Variants in FMO1 observed in about 807,000 individuals in gnomAD.
FMO1 encodes flavin-containing monooxygenase 1.
In FMO1, 36 loss-of-function variants were observed where a neutral mutation model predicts 45.4. That is an observed-to-expected ratio of 0.79 (90% CI 0.61 to 1.05). The LOEUF (loss-of-function observed/expected upper bound fraction) is 1.05, where lower values mean the gene tolerates loss of function less well. FMO1 is among the 50% of genes least tolerant of loss of function. The pLI is 0.00. For synonymous variants in FMO1, 228 were observed against 227.2 expected, an observed-to-expected ratio of 1.00 and a Z score of -0.03; for missense variants, 615 against 640.3, an observed-to-expected ratio of 0.96 and a Z score of 0.43.
chr1:171,264,608 G>A (rs368317475), intron 2 of FMO1, among the ~76,000 whole-genome samples: 21 of 151,932 alleles, frequency 1.4e-4, no homozygotes, highest in African/African-American at 5.1e-4. Context: ...GCACAATCTC[G>A]GACAGGGGCA....
chr1:171,261,712 C>A (rs571564180), intron 2 of FMO1, among the ~76,000 whole-genome samples: 1 of 152,090 alleles, frequency 6.6e-6, no homozygotes, highest in East Asian at 1.9e-4. Context: ...AACAAGACCC[C>A]GTTCCGTTCT....
At chr1:171,284,640 G>A (rs750741667) in intron 8 of FMO1, among the ~76,000 whole-genome samples, 8 of 151,376 alleles carry the variant, frequency 5.3e-5, no homozygotes, top group African/African-American at 1.7e-4. Context: ...CCTAAGCCAG[G>A]AGGATCGCTT....
intron 1 of FMO1, 26 bp from the exon 2 acceptor site, chr1:171,258,056 A>G: frequency 6.2e-7 from 1 of 1,613,588 alleles, no homozygotes; most frequent in Non-Finnish European, 8.5e-7. Context: ...TGTGAATAAA[A>G]AGCCTGCTTC....
chr1:171,256,272 C>CAAAA (rs34529047), intron 1 of FMO1, among the ~76,000 whole-genome samples: 3 of 78,276 alleles, frequency 3.8e-5, no homozygotes, highest in Admixed American at 1.5e-4. Flanking sequence ...GACTCCATCT[C>CAAAA]AAAAAAAAAA....
chr1:171,261,503 C>T (rs1189863409), intron 2 of FMO1, among the ~76,000 whole-genome samples: 2 of 152,190 alleles, frequency 1.3e-5, no homozygotes, highest in African/African-American at 4.8e-5. Flanking sequence ...AGTAGAAAGG[C>T]AAATTGCAGA....
chr1:171,265,297 A>G (rs1027502626), intron 2 of FMO1, among the ~76,000 whole-genome samples: 1 of 152,008 alleles, frequency 6.6e-6, no homozygotes, highest in Non-Finnish European at 1.5e-5. Context: ...AGGCTGAGGC[A>G]GGAGAATGGC....
rs550305259 is a variant in FMO1 at position 171,257,839 on chromosome 1, G to A, written c.-6-243G>A. The A allele has an allele frequency of 2.7e-4, 128 of 472,904 alleles. 1 individual carries two copies. The East Asian group carries it at 5.3e-3, about 20-fold the overall frequency. The allele number at this position is 472,904 out of a possible 1,614,324, so 29.3% of individuals were successfully genotyped here. On this transcript the variant is annotated intron_variant, in intron 1 of 8. Transcript: ENST00000617670. ...TCCAGCAGCTCTGCCAGAAGCTACA[G>A]CCTTGACAACTGTACGAACATTTGG...
chr1:171,266,056 TATAA>T (rs1281938762), intron 2 of FMO1, among the ~76,000 whole-genome samples: 34 of 152,232 alleles, frequency 2.2e-4, no homozygotes, highest in Non-Finnish European at 3.4e-4. Flanking sequence ...TAAGATTAAA[TATAA>T]ATAATCTTTC....
chr1:171,280,806 AG>A lies in FMO1; in HGVS notation c.653del (p.Gly218AspfsTer3). The A allele has an allele frequency of 6.2e-7, 1 of 1,612,824 alleles. No individual in the cohort carries two copies. Among genetic ancestry groups the A allele is most frequent in the Non-Finnish European group, 8.5e-7 (1 of 1,179,722 alleles). ...TCCAGGTGTTCCTCAGCACCACCGGAGGGGGATGGGTGATCAGCCGAATCTT... is the reference window on the plus strand; with the variant it reads ...TCCAGGTGTTCCTCAGCACCACCGGAGGGGATGGGTGATCAGCCGAATCTT... Reference protein sequence around the residue: ...AEKVFLSTTGGGWVISRIFDS... With the variant: ...AEKVFLSTTGXGWVISRIFDS... On this transcript the variant is annotated frameshift_variant, in exon 6 of 9. Coordinates refer to ENST00000617670, the MANE Select transcript of FMO1 (RefSeq NM_001282693.2). LOFTEE classifies it high-confidence loss of function.
chr1:171,283,645 CTATTGTTTTTA>C (rs1377520986), intron 8 of FMO1, among the ~76,000 whole-genome samples: 2 of 152,102 alleles, frequency 1.3e-5, no homozygotes, highest in Non-Finnish European at 2.9e-5. Context: ...TCTATCAGCT[CTATTGTTTTTA>C]TTCGGAGTGT....
At chr1:171,262,560 T>C (rs1300051685) in intron 2 of FMO1, among the ~76,000 whole-genome samples, 1 of 152,196 alleles carries the variant, frequency 6.6e-6, no homozygotes, top group Non-Finnish European at 1.5e-5. Flanking sequence ...ACATACCACA[T>C]TTTTTACATT....
Position 171,253,654 on chromosome 1 carries a change from G to A in FMO1, c.-6-4428G>A, listed in dbSNP as rs138720261. Reference sequence around the variant, plus strand: ...TGTGCACTTGTAATCCCAGCTACTCGGGAGGCTGAGGCAGGAGAATCGCTC... The same window carrying A: ...TGTGCACTTGTAATCCCAGCTACTCAGGAGGCTGAGGCAGGAGAATCGCTC... On this transcript the variant is annotated intron_variant, in intron 1 of 8. Transcript: ENST00000617670. 5.0e-3 allele frequency among the ~76,000 whole-genome samples: 766 copies of A among 152,148 alleles called. 13 individuals carry two copies. Among genetic ancestry groups the A allele is most frequent in the African/African-American group, 0.014 (576 of 41,508 alleles).
intron 2 of FMO1, among the ~76,000 whole-genome samples, chr1:171,261,321 G>GCGCACACACACACA (rs373029571): frequency 1.4e-5 from 2 of 147,960 alleles, no homozygotes; most frequent in African/African-American, 5.0e-5. Context: ...ACACACACAG[G>GCGCACACACACACA]CACACACACA....
intron 4 of FMO1, among the ~76,000 whole-genome samples, chr1:171,277,571 A>T (rs945508941): frequency 2.0e-5 from 3 of 152,142 alleles, no homozygotes; most frequent in African/African-American, 7.2e-5. Flanking sequence ...ACAGAGTCTC[A>T]TTTTTGTCCA....
intron 2 of FMO1, among the ~76,000 whole-genome samples, chr1:171,262,151 T>A (rs943510860): frequency 6.6e-6 from 1 of 152,122 alleles, no homozygotes; most frequent in African/African-American, 2.4e-5. Flanking sequence ...ATAGAGAAGG[T>A]CAGCCAGGCA....
intron 7 of FMO1, chr1:171,282,764 T>C: frequency 4.1e-6 from 1 of 244,230 alleles, no homozygotes; most frequent in South Asian, 6.8e-5. Context: ...ACTACAGACA[T>C]GCACACTGCA....
intron 4 of FMO1, among the ~76,000 whole-genome samples, chr1:171,276,160 A>G (rs146912296): frequency 1.6e-3 from 237 of 152,300 alleles, no homozygotes; most frequent in Non-Finnish European, 2.5e-3. Context: ...CAAGCATTCA[A>G]AAAGTTAAAA....
At chr1:171,275,593 C>A in intron 4 of FMO1, 85 bp downstream of exon 4, 2 of 973,756 alleles carry the variant, frequency 2.1e-6, no homozygotes, top group Non-Finnish European at 3.0e-6. Flanking sequence ...ATTCCTATGG[C>A]TGTTCCATTA....
intron 3 of FMO1, among the ~76,000 whole-genome samples, chr1:171,268,297 G>A (rs1660706507): frequency 1.3e-5 from 2 of 152,132 alleles, no homozygotes; most frequent in Admixed American, 1.3e-4. Flanking sequence ...TGTTGGCCAT[G>A]CAGTCTCAAA....
Sources: allele counts gnomAD v4.1 joint callset (sites outside exome capture counted in the v4.1 genomes callset), GRCh38; gene constraint gnomAD v4.1.1; transcripts MANE v1.5; gene names NCBI Gene and HGNC (gene_info 2026-07-23, HGNC 2026-07-21).